The following CACNA1S variants were observed in gnomAD, a reference collection of about 807,000 sequenced individuals.
CACNA1S encodes the protein calcium voltage-gated channel subunit alpha1 S, also known as voltage-dependent L-type calcium channel subunit alpha-1S.
A neutral mutation model predicts 207.4 loss-of-function variants in CACNA1S; 126 were observed. The ratio of observed to expected loss-of-function variants is 0.61; its 90% confidence interval spans 0.53 to 0.70. CACNA1S has a LOEUF of 0.70. Ranked by LOEUF, CACNA1S falls within the 30% of genes least tolerant of loss-of-function variation. The pLI is 0.00. For synonymous variants in CACNA1S, 960 were observed against 932.7 expected, an observed-to-expected ratio of 1.03 and a Z score of -0.53; for missense variants, 2,349 against 2,422.8, an observed-to-expected ratio of 0.97 and a Z score of 0.64.
At chr1:201,074,738 G>A (rs767331337) in intron 13 of CACNA1S, 118 bp from the exon 14 acceptor site, 4 of 732,892 alleles carry the variant, frequency 5.5e-6, no homozygotes, top group Non-Finnish European at 9.9e-6. Context: ...GCTACCCATG[G>A]GAAGGTGTGG....
chr1:201,089,333 G>T lies in CACNA1S; in HGVS notation c.825C>A (p.Phe275Leu), dbSNP rs767806564. ...WPGPNHGITH[F>L]DNFGFSMLTV... ...TGAGCATGGAGAAGCCGAAGTTGTC[G>T]AAGTGGGTGATGCCATGGTTGGGCC... Residue 275 changes from phenylalanine to leucine, a missense_variant, in exon 6 of 44, where the codon TTC becomes TTA. Physicochemically the swap from Phe to Leu is conservative, Grantham distance 22 (BLOSUM62 0). Transcript: ENST00000362061. The T allele has an allele frequency of 6.8e-6, 11 of 1,614,166 alleles. No individual in the cohort carries two copies. In the East Asian group the frequency reaches 1.6e-4, roughly 23 times the overall value.
Position 201,040,263 on chromosome 1 carries a change from A to G in CACNA1S, c.5338T>C (p.Ser1780Pro), listed in dbSNP as rs765019460. The change falls in exon 43 of 44, where the codon TCA becomes CCA. Residue 1780 changes from serine (S) to proline (P), a missense_variant. Ser to Pro is a moderately conservative substitution (Grantham distance 74). Coordinates refer to ENST00000362061, the MANE Select transcript of CACNA1S (RefSeq NM_000069.3). ...RSTRENTSRC[S>P]APATALLIQK... The stretch of plus-strand genomic sequence containing the variant: ...ATCAGCAGGGCTGTAGCTGGTGCTG[A>G]GCACCTGGAAGTATTCTCCCTGGTG... 1 of 1,613,802 alleles carries G rather than the reference A, an allele frequency of 6.2e-7. No homozygotes were observed. The highest frequency in any genetic ancestry group is 8.5e-7 in the Non-Finnish European group (1 of 1,179,984).
At chr1:201,100,799 G>A (rs965415627) in intron 2 of CACNA1S, among the ~76,000 whole-genome samples, 1 of 152,088 alleles carries the variant, frequency 6.6e-6, no homozygotes, top group African/African-American at 2.4e-5. Flanking sequence ...TTATGAGCCC[G>A]GCCCTATTCT....
intron 22 of CACNA1S, among the ~76,000 whole-genome samples, chr1:201,065,048 C>A (rs1572038380): frequency 6.6e-6 from 1 of 152,206 alleles, no homozygotes; most frequent in East Asian, 1.9e-4. Flanking sequence ...GGCTGTGGGG[C>A]CCTGGGAGGA....
intron 2 of CACNA1S, among the ~76,000 whole-genome samples, chr1:201,101,173 A>G (rs1232430567): frequency 6.6e-6 from 1 of 152,254 alleles, no homozygotes; most frequent in Non-Finnish European, 1.5e-5. Flanking sequence ...ATGGGCTATA[A>G]TAAGTTCTTA....
In CACNA1S at chr1:201,091,956, G is replaced by T. The variant is rs1458948757; in HGVS notation, c.541+16C>A. 2 of 1,613,792 alleles carry T rather than the reference G, an allele frequency of 1.2e-6. No homozygotes were observed. The highest frequency in any genetic ancestry group is 4.5e-5 in the East Asian group (2 of 44,856). ...AGGGAGAGGAGAAAGGGGTCTGCAGGGACACTGCCACCCACTAGGCACCCC... is the reference window on the plus strand; with the variant it reads ...AGGGAGAGGAGAAAGGGGTCTGCAGTGACACTGCCACCCACTAGGCACCCC... On this transcript the variant is annotated intron_variant, in intron 4 of 43. Transcript: ENST00000362061.
At chr1:201,089,766 T>C (rs960320977) in intron 5 of CACNA1S, among the ~76,000 whole-genome samples, 4 of 152,174 alleles carry the variant, frequency 2.6e-5, no homozygotes, top group African/African-American at 9.7e-5. Flanking sequence ...TGAGTGTCAT[T>C]TGTCCCCACA....
At chr1:201,043,561 G>A (rs555728100) in intron 39 of CACNA1S, 30 bp from the exon 40 acceptor site, 83 of 1,612,952 alleles carry the variant, frequency 5.1e-5, no homozygotes, top group African/African-American at 6.7e-5. Flanking sequence ...CAGTGACTGG[G>A]GGTGAGGGCA....
chr1:201,068,799 G>T (rs1661347419), intron 19 of CACNA1S, among the ~76,000 whole-genome samples: 1 of 152,122 alleles, frequency 6.6e-6, no homozygotes, highest in Admixed American at 6.5e-5. Flanking sequence ...TTGAACCTGG[G>T]AGGTGGAGGT....
chr1:201,107,511 G>A (rs1662937724), intron 2 of CACNA1S, among the ~76,000 whole-genome samples: 1 of 152,224 alleles, frequency 6.6e-6, no homozygotes, highest in Admixed American at 6.5e-5. Context: ...TTGGTTCACA[G>A]TGATATCCCC....
rs58170287 is a variant in CACNA1S at position 201,056,070 on chromosome 1, GACACACACACAC to G, written c.3610-1521_3610-1510del. 4.7e-4 allele frequency among the ~76,000 whole-genome samples: 45 copies of G among 94,916 alleles called. No individual in the cohort carries two copies. The Middle Eastern group carries it at 0.016, about 34-fold the overall frequency. 62.3% of individuals were successfully genotyped at this position (94,916 alleles called of 152,430 possible). A position where few individuals can be genotyped will look rare whatever the true frequency, so the allele number is the denominator to read the frequency against. On this transcript the variant is annotated intron_variant, in intron 28 of 43. Transcript: ENST00000362061. ...ACACACACAGACAGACAGACAGACA[GACACACACACAC>G]ACACACACACACACACACACACACT...
At chr1:201,083,408 A>T (rs1661915217) in intron 9 of CACNA1S, 86 bp from the exon 10 acceptor site, 1 of 1,427,154 alleles carries the variant, frequency 7.0e-7, no homozygotes, top group African/African-American at 1.4e-5. Context: ...AACTCCAGGC[A>T]TGCGTAGCCT....
chr1:201,083,183 G>A lies in CACNA1S; in HGVS notation c.1372C>T (p.Leu458Phe). Residue 458 changes from leucine to phenylalanine, a missense_variant, in exon 10 of 44, where the codon CTC becomes TTC. Transcript: ENST00000362061. ...TCACCTTGCAAACGGGTCAGCCAGA[G>A]AGGCTGGTTGTGGTGCTCTGAGGCG... Reference protein sequence around the residue: ...SIASEHHNQPLWLTRLQDIAN... With the variant: ...SIASEHHNQPFWLTRLQDIAN... The A allele has an allele frequency of 1.2e-6, 2 of 1,614,202 alleles. No homozygotes were observed. The highest frequency in any genetic ancestry group is 1.7e-6 in the Non-Finnish European group (2 of 1,180,040).
In CACNA1S at chr1:201,069,059, C is replaced by A. The variant is rs577053051; in HGVS notation, c.2550+78G>T. The A allele has an allele frequency of 3.8e-5, 49 of 1,273,584 alleles. No homozygotes were observed. The African/African-American group carries it at 6.9e-4, about 18-fold the overall frequency. The allele number at this position is 1,273,584 out of a possible 1,614,324, so 78.9% of individuals were successfully genotyped here. On this transcript the variant is annotated intron_variant, in intron 19 of 43. Transcript: ENST00000362061. ...CACCTCTTTTCTGCTTCTCTCCAGC[C>A]CCTGAGTTCAGTGTGTGTAAACTGG...
At chr1:201,090,248 T>TGAGCACTGCTGCTCAGCATTCCTCAA (rs1662177005) in intron 5 of CACNA1S, among the ~76,000 whole-genome samples, 1 of 152,212 alleles carries the variant, frequency 6.6e-6, no homozygotes, top group Non-Finnish European at 1.5e-5. Flanking sequence ...GAGGGGCTTT[T>TGAGCACTGCTGCTCAGCATTCCTCAA]GAGCACTGCT....
In CACNA1S at chr1:201,048,700, C is replaced by G. The variant is rs781242918; in HGVS notation, c.4339-16G>C. 6.2e-7 allele frequency: 1 copy of G among 1,606,756 alleles called. No homozygotes were observed. The highest frequency in any genetic ancestry group is 8.5e-7 in the Non-Finnish European group (1 of 1,174,274). ...CCACCAGCCGCTGTACAGGGAGACG[C>G]AGTGGCCTGCCGCTGAGCTGGGACC... On this transcript the variant is annotated splice_polypyrimidine_tract_variant and intron_variant, in intron 35 of 43. Coordinates refer to ENST00000362061, the MANE Select transcript of CACNA1S (RefSeq NM_000069.3).
intron 2 of CACNA1S, among the ~76,000 whole-genome samples, chr1:201,102,630 C>G (rs1051030080): frequency 2.0e-5 from 3 of 152,152 alleles, no homozygotes; most frequent in African/African-American, 7.2e-5. Flanking sequence ...TAGCTTCGGA[C>G]GACAGCCGAC....
intron 10 of CACNA1S, among the ~76,000 whole-genome samples, chr1:201,080,342 C>T (rs901839170): frequency 1.3e-5 from 2 of 152,048 alleles, no homozygotes; most frequent in Admixed American, 1.3e-4. Flanking sequence ...CACTACTAGC[C>T]ATTTATCTGC....
At chr1:201,076,782 C>T in intron 12 of CACNA1S, 138 bp downstream of exon 12, 1 of 807,366 alleles carries the variant, frequency 1.2e-6, no homozygotes, top group East Asian at 2.5e-5. Context: ...GATAGGGGAG[C>T]CCAGAGAAGG....
Sources: allele counts gnomAD v4.1 joint callset (sites outside exome capture counted in the v4.1 genomes callset), GRCh38; gene constraint gnomAD v4.1.1; transcripts MANE v1.5; gene names NCBI Gene and HGNC (gene_info 2026-07-23, HGNC 2026-07-21).